Variants in RARB observed in about 807,000 individuals in gnomAD.
The protein encoded by RARB is HBV-activated protein.
A neutral mutation model predicts 51.9 loss-of-function variants in RARB; 17 were observed. The ratio of observed to expected loss-of-function variants is 0.33; its 90% CI spans 0.22 to 0.49. The LOEUF is 0.49. RARB is among the 20% of genes least tolerant of loss of function. The probability of loss-of-function intolerance (pLI) is 0.99; values close to 1 mark genes in which losing one functional copy is unlikely to be tolerated. For missense variants in RARB, 369 were observed against 550.8 expected, an observed-to-expected ratio of 0.67 and a Z score of 3.30; for synonymous variants, 215 against 195.4, an observed-to-expected ratio of 1.10 and a Z score of -0.84.
intron 2 of RARB, among the ~76,000 whole-genome samples, chr3:24,930,684 G>A (rs1467949046): frequency 1.3e-5 from 2 of 151,984 alleles, no homozygotes; most frequent in African/African-American, 2.4e-5. Context: ...AATCCTTATA[G>A]CAACACTGTA....
chr3:25,124,763 A>AT (rs1338231580), intron 3 of RARB, among the ~76,000 whole-genome samples: 32 of 152,166 alleles, frequency 2.1e-4, no homozygotes, highest in African/African-American at 6.7e-4. Context: ...TATGGTCCTT[A>AT]TTTGTAGCAC....
At chr3:25,226,519 G>A (rs530913857) in intron 5 of RARB, among the ~76,000 whole-genome samples, 11 of 152,194 alleles carry the variant, frequency 7.2e-5, no homozygotes, top group Non-Finnish European at 1.2e-4. Flanking sequence ...TGTTTTCTGA[G>A]AATAAAACCT....
intron 5 of RARB, among the ~76,000 whole-genome samples, chr3:25,322,008 G>A (rs1270486662): frequency 6.7e-6 from 1 of 149,926 alleles, no homozygotes; most frequent in African/African-American, 2.5e-5. Context: ...AATGTTTGTA[G>A]AAAAAAAAAG....
rs74546838 is a variant in RARB, at chr3:25,516,250, T to C, written c.448+14927T>C. Among the ~76,000 whole-genome samples, 170 of 152,280 alleles carry C rather than the reference T, an allele frequency of 1.1e-3. 3 individuals are homozygous for C. In the East Asian group the frequency reaches 0.024, roughly 22 times the overall value. On this transcript the variant is annotated intron_variant, in intron 3 of 7. Coordinates refer to ENST00000330688, the MANE Select transcript of RARB (RefSeq NM_000965.5). ...TTACAACTTGTTATATTTGAAAAAT[T>C]ATTTTACCCATCAGATAATAAACAG...
intron 2 of RARB, among the ~76,000 whole-genome samples, chr3:24,934,670 T>C (rs1695513308): frequency 6.6e-6 from 1 of 152,146 alleles, no homozygotes; most frequent in African/African-American, 2.4e-5. Flanking sequence ...TATGAATATT[T>C]TTCTTCCCAT....
chr3:25,147,212 A>C (rs1223937919), intron 4 of RARB, among the ~76,000 whole-genome samples: 3 of 151,766 alleles, frequency 2.0e-5, no homozygotes, highest in Non-Finnish European at 4.4e-5. Context: ...TTTAACAAGC[A>C]CTCTAGGTGA....
rs370606377 is a variant in RARB at position 24,884,317 on chromosome 3, C to A, written c.-380+25565C>A. ...AAGGGCAATGTCATATTATCTATTA[C>A]ACTGAAATATGAAAGCCATTAGAGA... On this transcript the variant is annotated intron_variant, in intron 2 of 11. Coordinates refer to the RARB transcript ENST00000383772. 2.0e-5 allele frequency among the ~76,000 whole-genome samples: 3 copies of A among 152,098 alleles called. No individual in the cohort carries two copies. In the East Asian group the frequency reaches 5.8e-4, roughly 29 times the overall value.
intron 1 of RARB, among the ~76,000 whole-genome samples, chr3:25,449,746 TTCTC>T (rs1018057628): frequency 4.9e-5 from 7 of 141,524 alleles, no homozygotes; most frequent in African/African-American, 1.3e-4. Context: ...AGCAATCTCT[TTCTC>T]TCTCTCTTTT....
chr3:25,027,975 T>A (rs923523203), intron 2 of RARB, among the ~76,000 whole-genome samples: 34 of 16,462 alleles, frequency 2.1e-3, no homozygotes, highest in African/African-American at 6.2e-3. Context: ...GGCTCATGGA[T>A]TTTTTTTTTC....
chr3:25,200,200 T>A (rs1421935923), intron 5 of RARB, among the ~76,000 whole-genome samples: 2 of 152,206 alleles, frequency 1.3e-5, no homozygotes, highest in Non-Finnish European at 2.9e-5. Flanking sequence ...TGGCCAGTGA[T>A]GATGAGCATT....
chr3:25,253,203 C>T (rs1372336447), intron 5 of RARB, among the ~76,000 whole-genome samples: 2 of 152,146 alleles, frequency 1.3e-5, no homozygotes, highest in Non-Finnish European at 2.9e-5. Flanking sequence ...CTTGTAATTG[C>T]TAACAAAGCT....
At chr3:25,381,488 C>T (rs773099652) in intron 5 of RARB, among the ~76,000 whole-genome samples, 11 of 152,200 alleles carry the variant, frequency 7.2e-5, no homozygotes, top group South Asian at 2.1e-4. Flanking sequence ...ACAATTTTTG[C>T]GAGGGTTAAA....
chr3:25,130,039 G>A (rs985956291), intron 3 of RARB, among the ~76,000 whole-genome samples: 10 of 152,164 alleles, frequency 6.6e-5, no homozygotes, highest in Admixed American at 1.3e-4. Flanking sequence ...TAAAGACCTT[G>A]TTGAAGCTTG....
At chr3:25,116,595 G>T (rs574452319) in intron 3 of RARB, among the ~76,000 whole-genome samples, 3 of 151,798 alleles carry the variant, frequency 2.0e-5, no homozygotes, top group Admixed American at 2.0e-4. Flanking sequence ...TAAAGAAAAG[G>T]CTTCTGCCTT....
At chr3:24,931,403 T>TATTTCTCTGTACTTCCCCTA (rs1695437414) in intron 2 of RARB, among the ~76,000 whole-genome samples, 1 of 151,646 alleles carries the variant, frequency 6.6e-6, no homozygotes, top group Non-Finnish European at 1.5e-5. Flanking sequence ...TACTTCCCCT[T>TATTTCTCTGTACTTCCCCTA]TAGCTAGGGT....
At position 24,879,301 on chromosome 3, in the gene RARB, C is replaced by T. The variant is rs567081624; in HGVS notation, c.-380+20549C>T. ...AAAATTAGCCGGGCGTGGTGGCGGG[C>T]GCCTGTAGTCCCAGCTACTCGGGAG... is the stretch of plus-strand genomic sequence containing the variant. On this transcript the variant is annotated intron_variant, in intron 2 of 11. Coordinates refer to the RARB transcript ENST00000383772. 1.5e-3 allele frequency among the ~76,000 whole-genome samples: 221 copies of T among 151,924 alleles called. 1 individual carries two copies. Among genetic ancestry groups the T allele is most frequent in the Non-Finnish European group, 2.2e-3 (151 of 67,922 alleles).
intron 4 of RARB, among the ~76,000 whole-genome samples, chr3:25,137,211 C>T (rs1055474732): frequency 6.6e-6 from 1 of 151,972 alleles, no homozygotes; most frequent in Non-Finnish European, 1.5e-5. Context: ...CAGCCTTATA[C>T]ATCCAAAGAA....
chr3:25,205,869 A>G lies in RARB; in HGVS notation c.178+31294A>G, dbSNP rs1422734595. On this transcript the variant is annotated intron_variant, in intron 5 of 11. Coordinates refer to the RARB transcript ENST00000383772. Reference sequence around the variant, plus strand: ...ATGATCCTCCCACCTCAGCTTCCTCAGTTAGTTAGGACTACAGGCATGAGC... The same window carrying G: ...ATGATCCTCCCACCTCAGCTTCCTCGGTTAGTTAGGACTACAGGCATGAGC... Among the ~76,000 whole-genome samples the G allele has an allele frequency of 3.3e-5, 5 of 151,872 alleles. No individual in the cohort carries two copies. The East Asian group carries it at 9.7e-4, about 30-fold the overall frequency.
chr3:25,188,573 T>A (rs931640919), intron 5 of RARB, among the ~76,000 whole-genome samples: 1 of 152,272 alleles, frequency 6.6e-6, no homozygotes, highest in South Asian at 2.1e-4. Flanking sequence ...GTAGAAAAGT[T>A]ATTCTGTCAG....
Sources: gnomAD v4.1 joint callset for allele counts (sites outside exome capture counted in the v4.1 genomes callset) on GRCh38, gnomAD v4.1.1 for gene constraint, MANE v1.5 for transcripts, NCBI Gene and HGNC (gene_info 2026-07-23, HGNC 2026-07-21) for gene names.